Variants in FSTL4 observed in about 807,000 individuals in gnomAD.
The protein encoded by FSTL4 is follistatin-related protein 4.
A neutral mutation model predicts 78.2 loss-of-function variants in FSTL4; 28 were observed. That is an observed-to-expected ratio of 0.36 (90% CI 0.27 to 0.49). The LOEUF (loss-of-function observed/expected upper bound fraction) is 0.49, where lower values mean the gene tolerates loss of function less well. FSTL4 is among the 20% of genes least tolerant of loss of function. FSTL4 has a pLI of 0.98. For synonymous variants in FSTL4, 422 were observed against 440.5 expected (o/e 0.96, Z 0.53); for missense variants, 922 against 1,084.9 (o/e 0.85, Z 2.11).
upstream of FSTL4, among the ~76,000 whole-genome samples, chr5:133,614,553 A>G (rs576874162): frequency 2.0e-5 from 3 of 152,350 alleles, no homozygotes; most frequent in East Asian, 5.8e-4. Flanking sequence ...AAGCAGCATC[A>G]GATGCCAGTA....
At chr5:133,358,591 C>CTTTTTT (rs1173835923) in intron 4 of FSTL4, among the ~76,000 whole-genome samples, 94 of 115,336 alleles carry the variant, frequency 8.2e-4, no homozygotes, top group Non-Finnish European at 1.2e-3. Flanking sequence ...GGTTCTATTT[C>CTTTTTT]TTTTTTTTTT....
intron 3 of FSTL4, among the ~76,000 whole-genome samples, chr5:133,481,139 T>C (rs911520576): frequency 6.6e-6 from 1 of 152,216 alleles, no homozygotes; most frequent in Non-Finnish European, 1.5e-5. Flanking sequence ...TCAGTACATG[T>C]GACTCCATGA....
At chr5:133,239,158 C>T (rs1047113474) in intron 7 of FSTL4, among the ~76,000 whole-genome samples, 3 of 152,190 alleles carry the variant, frequency 2.0e-5, no homozygotes, top group Non-Finnish European at 2.9e-5. Flanking sequence ...GGATTTCTTG[C>T]CGGGCCTTAG....
chr5:133,283,239 C>CGT (rs112657706), intron 6 of FSTL4, among the ~76,000 whole-genome samples: 5,223 of 148,754 alleles, frequency 0.035, 144 homozygotes, highest in African/African-American at 0.075. Context: ...TTAAGCCTAG[C>CGT]GTGTGTGTGT....
intron 4 of FSTL4, among the ~76,000 whole-genome samples, chr5:133,332,393 A>G (rs1157650313): frequency 6.6e-6 from 1 of 152,196 alleles, no homozygotes; most frequent in Middle Eastern, 3.2e-3. Flanking sequence ...ATGGATTCAG[A>G]TGCTTTGAGA....
chr5:133,549,068 T>C (rs1321342421), intron 3 of FSTL4, among the ~76,000 whole-genome samples: 1 of 152,224 alleles, frequency 6.6e-6, no homozygotes, highest in East Asian at 1.9e-4. Context: ...TTGTTGTAGA[T>C]AGCCTTACGT....
chr5:133,265,505 G>T (rs1010490808), intron 6 of FSTL4, among the ~76,000 whole-genome samples: 1 of 152,190 alleles, frequency 6.6e-6, no homozygotes, highest in Non-Finnish European at 1.5e-5. Flanking sequence ...ACCCAGTAAG[G>T]ATGCCTGTCT....
At chr5:133,545,739 G>C (rs1257775373) in intron 3 of FSTL4, among the ~76,000 whole-genome samples, 2 of 152,208 alleles carry the variant, frequency 1.3e-5, no homozygotes, top group African/African-American at 4.8e-5. Context: ...TTCCAAAAAA[G>C]TGAATGCTAG....
chr5:133,257,696 A>C (rs1752415869), intron 6 of FSTL4, among the ~76,000 whole-genome samples: 1 of 152,098 alleles, frequency 6.6e-6, no homozygotes, highest in Non-Finnish European at 1.5e-5. Context: ...GGTGGAGAGC[A>C]CAGGGCCTCC....
At chr5:133,258,394 C>T (rs533333008) in intron 6 of FSTL4, among the ~76,000 whole-genome samples, 13 of 152,252 alleles carry the variant, frequency 8.5e-5, no homozygotes, top group African/African-American at 2.9e-4. Context: ...CAGGCCTCAT[C>T]CAATTCGTTG....
chr5:133,748,945 A>G, the FSTL4 span, among the ~76,000 whole-genome samples: 1 of 152,204 alleles, frequency 6.6e-6, no homozygotes, highest in Admixed American at 6.5e-5. Context: ...ATGCAAACCT[A>G]GGGGGATTTG....
chr5:133,773,627 C>T, the FSTL4 span, among the ~76,000 whole-genome samples: 1 of 152,202 alleles, frequency 6.6e-6, no homozygotes, highest in African/African-American at 2.4e-5. Context: ...TTCCTTTCCT[C>T]TTTCAGTTTA....
At chr5:133,414,758 G>A (rs751116396) in intron 3 of FSTL4, among the ~76,000 whole-genome samples, 27 of 152,118 alleles carry the variant, frequency 1.8e-4, no homozygotes, top group Non-Finnish European at 3.1e-4. Context: ...TTTTCAACAC[G>A]GCACCATTTA....
chr5:133,298,404 T>G (rs1753457641), intron 6 of FSTL4, among the ~76,000 whole-genome samples: 1 of 152,248 alleles, frequency 6.6e-6, no homozygotes, highest in Non-Finnish European at 1.5e-5. Context: ...GCTTCCCCAC[T>G]GTGGGCCCTG....
chr5:133,545,820 G>A lies in FSTL4; in HGVS notation c.160+21366C>T, dbSNP rs530184484. On this transcript the variant is annotated intron_variant, in intron 3 of 15. Transcript: ENST00000265342. ...TGAAGGTGCAGAAGAGAAAACTAGG[G>A]ATAGTCTAGAACTTCTCAGAGATTA... Among the ~76,000 whole-genome samples the A allele has an allele frequency of 5.1e-4, 78 of 152,286 alleles. 1 individual carries two copies. The highest frequency in any genetic ancestry group is 1.9e-3 in the African/African-American group (78 of 41,558).
At chr5:133,359,923 C>G (rs574114753) in intron 4 of FSTL4, among the ~76,000 whole-genome samples, 1 of 152,328 alleles carries the variant, frequency 6.6e-6, no homozygotes, top group East Asian at 1.9e-4. Flanking sequence ...CCTGACTCCC[C>G]GTGCTGCTGA....
intron 4 of FSTL4, among the ~76,000 whole-genome samples, chr5:133,395,496 C>T (rs554012877): frequency 5.3e-5 from 8 of 152,352 alleles, no homozygotes; most frequent in South Asian, 4.2e-4. Context: ...ACACTCACCG[C>T]GCGGGTCCGC....
chr5:133,558,643 CT>C (rs35405545), intron 3 of FSTL4, among the ~76,000 whole-genome samples: 3 of 147,708 alleles, frequency 2.0e-5, no homozygotes, highest in Non-Finnish European at 4.5e-5. Context: ...TTTTTTTTTT[CT>C]TTTTAATGCA....
chr5:133,819,097 G>A, the FSTL4 span, among the ~76,000 whole-genome samples: 4 of 150,300 alleles, frequency 2.7e-5, no homozygotes, highest in South Asian at 2.2e-4. Context: ...ATGCTGGGTC[G>A]GAACCTGCTG....
Sources: allele counts gnomAD v4.1 joint callset (sites outside exome capture counted in the v4.1 genomes callset), GRCh38; gene constraint gnomAD v4.1.1; transcripts MANE v1.5; gene names NCBI Gene and HGNC (gene_info 2026-07-23, HGNC 2026-07-21).